Variants in RALGAPA1 observed in about 807,000 individuals in gnomAD.
RALGAPA1 encodes the protein Ral GTPase activating protein catalytic subunit alpha 1.
In RALGAPA1, 52 loss-of-function variants were observed where a neutral mutation model predicts 269.6. The ratio of observed to expected loss-of-function variants is 0.19; its 90% CI spans 0.15 to 0.24. RALGAPA1 has a LOEUF of 0.24. Ranked by LOEUF, RALGAPA1 falls within the 10% of genes least tolerant of loss-of-function variation. The pLI, the probability that RALGAPA1 is intolerant of heterozygous loss-of-function variation, is 1.00. For missense variants in RALGAPA1, 1,917 were observed against 3,013.9 expected, an observed-to-expected ratio of 0.64 and a Z score of 8.52; for synonymous variants, 817 against 1,008.3, an observed-to-expected ratio of 0.81 and a Z score of 3.60.
chr14:35,620,578 A>G (rs1196167877), intron 35 of RALGAPA1, among the ~76,000 whole-genome samples: 1 of 152,102 alleles, frequency 6.6e-6, no homozygotes, highest in South Asian at 2.1e-4. Context: ...AATTGTTCCT[A>G]TTTGCAGATG....
chr14:35,803,532 G>A lies in RALGAPA1; in HGVS notation c.106+5198C>T, dbSNP rs549733455. Among the ~76,000 whole-genome samples, 414 of 150,456 alleles carry A rather than the reference G, an allele frequency of 2.8e-3. 9 individuals are homozygous for A. Among genetic ancestry groups the A allele is most frequent in the East Asian group, 2.7e-3 (14 of 5,130 alleles). On this transcript the variant is annotated intron_variant, in intron 1 of 41. Transcript: ENST00000680220. ...TCAAAGAAACAACTTCTTCTTCAAA[G>A]AAAACTTTAAGAGAACGAAGAGACA...
intron 11 of RALGAPA1, among the ~76,000 whole-genome samples, chr14:35,740,989 T>A (rs1286699940): frequency 6.6e-6 from 1 of 151,754 alleles, no homozygotes; most frequent in Non-Finnish European, 1.5e-5. Context: ...TTTGCAAGAG[T>A]CGCTGGCACT....
chr14:35,718,666 A>G (rs928974129), intron 16 of RALGAPA1, among the ~76,000 whole-genome samples: 4 of 151,844 alleles, frequency 2.6e-5, no homozygotes, highest in Non-Finnish European at 5.9e-5. Context: ...AAATACAAAA[A>G]TTAGCCAGGC....
intron 31 of RALGAPA1, among the ~76,000 whole-genome samples, chr14:35,635,881 A>G (rs1429732005): frequency 6.6e-6 from 1 of 152,214 alleles, no homozygotes; most frequent in African/African-American, 2.4e-5. Context: ...AAGACAACAC[A>G]TATCAATTAA....
In RALGAPA1 at chr14:35,738,660, A is replaced by C. The variant is rs747149455; in HGVS notation, c.1450-10T>G. ...TATTGGTCCCATTTTCCTGAAGCAA[A>C]ATATCAAGTTTTTAATATTTCATTA... On this transcript the variant is annotated splice_polypyrimidine_tract_variant and intron_variant, in intron 11 of 41. Transcript: ENST00000680220. 1.6e-5 allele frequency: 25 copies of C among 1,597,742 alleles called. No homozygotes were observed. The highest frequency in any genetic ancestry group is 2.1e-5 in the Non-Finnish European group (25 of 1,174,768).
chr14:35,762,787 C>G, intron 4 of RALGAPA1, 34 bp from the exon 5 acceptor site: 1 of 1,243,632 alleles, frequency 8.0e-7, no homozygotes, highest in Non-Finnish European at 1.2e-6. Context: ...ATATTCACAT[C>G]TTATCTATTT....
chr14:35,793,034 G>C (rs1390074915), intron 1 of RALGAPA1, among the ~76,000 whole-genome samples: 1 of 152,030 alleles, frequency 6.6e-6, no homozygotes, highest in African/African-American at 2.4e-5. Flanking sequence ...AGCCAGAAAA[G>C]AGCAGTAGTG....
intron 1 of RALGAPA1, among the ~76,000 whole-genome samples, chr14:35,794,610 C>T (rs1185969244): frequency 6.6e-6 from 1 of 152,114 alleles, no homozygotes; most frequent in Non-Finnish European, 1.5e-5. Context: ...GCGCCCGCCA[C>T]GGCGCCCGGC....
chr14:35,790,883 G>A (rs144180421), intron 1 of RALGAPA1, among the ~76,000 whole-genome samples: 8 of 152,210 alleles, frequency 5.3e-5, no homozygotes, highest in South Asian at 2.1e-4. Flanking sequence ...GAATAGTAGC[G>A]TAGTTATTTA....
At chr14:35,798,794 A>C (rs1204706478) in intron 1 of RALGAPA1, among the ~76,000 whole-genome samples, 2 of 152,222 alleles carry the variant, frequency 1.3e-5, no homozygotes, top group East Asian at 3.9e-4. Flanking sequence ...GTTCGAAACC[A>C]GTCTGGCCAA....
Position 35,659,202 on chromosome 14 carries a change from A to G in RALGAPA1, c.5329-6T>C, listed in dbSNP as rs767808534. 2 of 1,604,840 alleles carry G rather than the reference A, an allele frequency of 1.2e-6. No homozygotes were observed. The highest frequency in any genetic ancestry group is 2.2e-5 in the South Asian group (2 of 90,178). ...ACAGTTTTGATTATAAGTTCCTAAA[A>G]TAAGGGGGAAATAGTTAACGGCAAT... On this transcript the variant is annotated splice_region_variant and splice_polypyrimidine_tract_variant and intron_variant, in intron 27 of 41. Coordinates refer to ENST00000680220, the MANE Select transcript of RALGAPA1 (RefSeq NM_001346249.2).
At chr14:35,760,331 C>T (rs1190363353) in intron 6 of RALGAPA1, among the ~76,000 whole-genome samples, 1 of 151,394 alleles carries the variant, frequency 6.6e-6, no homozygotes, top group Non-Finnish European at 1.5e-5. Context: ...CCAACCAGTC[C>T]AGAGCCCACA....
intron 37 of RALGAPA1, among the ~76,000 whole-genome samples, chr14:35,593,953 A>G (rs905700884): frequency 5.9e-5 from 9 of 152,114 alleles, no homozygotes; most frequent in Non-Finnish European, 1.3e-4. Context: ...ATACCAGTGG[A>G]ACAAAACAGA....
intron 1 of RALGAPA1, among the ~76,000 whole-genome samples, chr14:35,778,283 T>C (rs1445966774): frequency 2.0e-5 from 3 of 152,180 alleles, no homozygotes; most frequent in Admixed American, 6.5e-5. Flanking sequence ...ACTACTGGGC[T>C]GAAGCAATCC....
At chr14:35,762,027 T>TTA (rs1248657934) in intron 5 of RALGAPA1, among the ~76,000 whole-genome samples, 11 of 152,218 alleles carry the variant, frequency 7.2e-5, no homozygotes, top group East Asian at 5.8e-4. Context: ...ACAAAAATGT[T>TTA]TATATATATA....
chr14:35,642,731 G>T (rs550029970), intron 31 of RALGAPA1, among the ~76,000 whole-genome samples: 2 of 152,234 alleles, frequency 1.3e-5, no homozygotes, highest in South Asian at 4.1e-4. Context: ...ACTTTTACAT[G>T]GTTGGAGTGT....
chr14:35,771,862 A>C (rs1242871058), intron 3 of RALGAPA1, among the ~76,000 whole-genome samples: 1 of 152,174 alleles, frequency 6.6e-6, no homozygotes, highest in African/African-American at 2.4e-5. Context: ...TATTGTGGAT[A>C]TCACTGATGA....
intron 41 of RALGAPA1, among the ~76,000 whole-genome samples, chr14:35,546,922 C>T (rs2054512038): frequency 6.6e-6 from 1 of 152,060 alleles, no homozygotes; most frequent in Non-Finnish European, 1.5e-5. Flanking sequence ...TTTTGCTACT[C>T]TTAAGAGTAA....
At chr14:35,598,162 A>G (rs1387898656) in intron 36 of RALGAPA1, among the ~76,000 whole-genome samples, 1 of 152,092 alleles carries the variant, frequency 6.6e-6, no homozygotes, top group Non-Finnish European at 1.5e-5. Flanking sequence ...TTTCAGTTCT[A>G]TCAGCTTTAG....
Sources: allele counts gnomAD v4.1 joint callset (sites outside exome capture counted in the v4.1 genomes callset), GRCh38; gene constraint gnomAD v4.1.1; transcripts MANE v1.5; gene names NCBI Gene and HGNC (gene_info 2026-07-23, HGNC 2026-07-21).